Variants in SERPINI2 observed in about 807,000 individuals in gnomAD.
The protein encoded by SERPINI2 is serpin family I member 2, also known as serpin I2.
Under a neutral mutation model 47.3 loss-of-function variants are expected in SERPINI2, and 48 were observed. That is an observed-to-expected ratio of 1.02 (90% CI 0.81 to 1.29). The LOEUF is 1.29. Among genes scored for constraint, SERPINI2 ranks in the 50% most tolerant of loss-of-function variants. The probability of loss-of-function intolerance (pLI) is 0.00; values close to 1 mark genes in which losing one functional copy is unlikely to be tolerated. For synonymous variants in SERPINI2, 135 were observed against 149.3 expected (o/e 0.90, Z 0.70); for missense variants, 448 against 456.9 (o/e 0.98, Z 0.18).
chr3:167,471,448 C>T (rs906053763), intron 2 of SERPINI2, 140 bp downstream of exon 2: 8 of 770,106 alleles, frequency 1.0e-5, no homozygotes, highest in African/African-American at 7.1e-5. Context: ...ATTACATTTA[C>T]AATTCTCCAT....
At position 167,474,084 on chromosome 3, in the gene SERPINI2, G is replaced by A. The variant is rs1413402006; in HGVS notation, c.-92C>T. ...AAAACTCTTGTACATAAACACCTGAGCGATCAAGGCCAACTCCATTTATCT... is the reference window on the plus strand; with the variant it reads ...AAAACTCTTGTACATAAACACCTGAACGATCAAGGCCAACTCCATTTATCT... On this transcript the variant is annotated 5_prime_UTR_variant, in exon 1 of 9. Coordinates refer to ENST00000264677, the Ensembl canonical transcript of SERPINI2. 3 of 1,018,982 alleles carry A rather than the reference G, an allele frequency of 2.9e-6. No homozygotes were observed. The Admixed American group carries it at 1.7e-4, about 58-fold the overall frequency. The allele number at this position is 1,018,982 out of a possible 1,614,324, so 63.1% of individuals were successfully genotyped here.
intron 6 of SERPINI2, among the ~76,000 whole-genome samples, chr3:167,451,121 T>G (rs1749628820): frequency 6.6e-6 from 1 of 152,210 alleles, no homozygotes; most frequent in African/African-American, 2.4e-5. Context: ...TGTTTTATAT[T>G]TAACTATGTG....
At chr3:167,456,418 A>T (rs762466987) in intron 5 of SERPINI2, among the ~76,000 whole-genome samples, 8 of 152,072 alleles carry the variant, frequency 5.3e-5, no homozygotes, top group Non-Finnish European at 1.0e-4. Context: ...CACAATTTAC[A>T]TTCACCCACT....
intron 5 of SERPINI2, among the ~76,000 whole-genome samples, chr3:167,455,302 AC>A (rs1319355638): frequency 3.3e-5 from 5 of 152,350 alleles, no homozygotes; most frequent in Admixed American, 1.3e-4. Flanking sequence ...CCCAAATGTA[AC>A]CATTGTGCTG....
intron 2 of SERPINI2, among the ~76,000 whole-genome samples, chr3:167,470,617 A>G (rs1750286060): frequency 1.5e-5 from 2 of 131,854 alleles, no homozygotes; most frequent in African/African-American, 6.2e-5. Context: ...GCTGGAGTGC[A>G]GTGGCACGAT....
At chr3:167,451,924 G>A (rs1034880391) in intron 6 of SERPINI2, among the ~76,000 whole-genome samples, 22 of 152,234 alleles carry the variant, frequency 1.4e-4, no homozygotes, top group East Asian at 1.2e-3. Context: ...TACCTAGTGC[G>A]GACAAAATTG....
At chr3:167,451,581 G>A (rs1485317978) in intron 6 of SERPINI2, among the ~76,000 whole-genome samples, 1 of 152,168 alleles carries the variant, frequency 6.6e-6, no homozygotes, top group Non-Finnish European at 1.5e-5. Context: ...AACTCAAGAG[G>A]GAAAGAACAG....
At chr3:167,455,505 A>G (rs891173442) in intron 5 of SERPINI2, among the ~76,000 whole-genome samples, 1 of 151,656 alleles carries the variant, frequency 6.6e-6, no homozygotes, top group African/African-American at 2.4e-5. Context: ...TTGTGTTATC[A>G]TCTGAAATCC....
At chr3:167,459,168 G>A (rs1263707614) in intron 5 of SERPINI2, among the ~76,000 whole-genome samples, 8 of 149,050 alleles carry the variant, frequency 5.4e-5, no homozygotes, top group East Asian at 2.0e-4. Context: ...TCCGCCTCCC[G>A]GGTTCACGCC....
chr3:167,442,755 CTG>C (rs1232628432), intron 8 of SERPINI2, among the ~76,000 whole-genome samples: 1 of 152,096 alleles, frequency 6.6e-6, no homozygotes, highest in African/African-American at 2.4e-5. Context: ...TTCAACCATT[CTG>C]TGTTTGCAAG....
Position 167,466,804 on chromosome 3 carries a change from C to A in SERPINI2, c.478+251G>T, listed in dbSNP as rs73878708. The stretch of plus-strand genomic sequence containing the variant: ...ACAAAAATTATTATTAAAATTATTT[C>A]ATTAAAAATTCTATAAGCAGGTATC... On this transcript the variant is annotated intron_variant, in intron 3 of 8. Coordinates refer to ENST00000264677, the Ensembl canonical transcript of SERPINI2. 4.6e-3 allele frequency among the ~76,000 whole-genome samples: 701 copies of A among 152,042 alleles called. 6 individuals carry two copies. The highest frequency in any genetic ancestry group is 0.024 in the Middle Eastern group (7 of 294).
intron 5 of SERPINI2, among the ~76,000 whole-genome samples, chr3:167,455,587 GA>G: frequency 9.0e-6 from 1 of 111,444 alleles, no homozygotes; most frequent in Non-Finnish European, 1.8e-5. Flanking sequence ...AAAGAAATAC[GA>G]GTCTCAAAAA....
chr3:167,445,557 C>A (rs1036824172), intron 8 of SERPINI2, among the ~76,000 whole-genome samples: 1 of 152,146 alleles, frequency 6.6e-6, no homozygotes, highest in African/African-American at 2.4e-5. Flanking sequence ...CAATTTCACA[C>A]CCTCTGTCTA....
chr3:167,457,394 T>C (rs954508084), intron 5 of SERPINI2, among the ~76,000 whole-genome samples: 21 of 152,228 alleles, frequency 1.4e-4, no homozygotes, highest in Admixed American at 7.2e-4. Flanking sequence ...TCTTGTTTTC[T>C]AGTAAGTTGA....
At chr3:167,465,034 G>A (rs1173593894) in intron 5 of SERPINI2, among the ~76,000 whole-genome samples, 172 bp downstream of exon 5, 1 of 152,166 alleles carries the variant, frequency 6.6e-6, no homozygotes. Flanking sequence ...AGCAATGCTA[G>A]CACAGGTAAG....
At chr3:167,470,025 T>G (rs1341597504) in intron 2 of SERPINI2, among the ~76,000 whole-genome samples, 1 of 152,108 alleles carries the variant, frequency 6.6e-6, no homozygotes, top group Non-Finnish European at 1.5e-5. Flanking sequence ...CTTTATCATG[T>G]TCACAATTCA....
intron 2 of SERPINI2, among the ~76,000 whole-genome samples, chr3:167,470,879 T>G (rs1264604831): frequency 6.6e-6 from 1 of 151,928 alleles, no homozygotes; most frequent in Non-Finnish European, 1.5e-5. Context: ...AAGCACAGTA[T>G]CCCAGTAAGA....
intron 5 of SERPINI2, among the ~76,000 whole-genome samples, chr3:167,455,602 A>AAAAAG (rs1553855172): frequency 1.0e-3 from 154 of 150,954 alleles, no homozygotes; most frequent in Admixed American, 3.0e-3. Context: ...TCAAAAAAAA[A>AAAAAG]AAAAGAAAAG....
At chr3:167,447,545 AC>A (rs1224758371) in intron 7 of SERPINI2, among the ~76,000 whole-genome samples, 5 of 152,188 alleles carry the variant, frequency 3.3e-5, no homozygotes, top group African/African-American at 9.7e-5. Context: ...AAAATTTTAG[AC>A]TTAAAATGAG....
Sources: allele counts gnomAD v4.1 joint callset (sites outside exome capture counted in the v4.1 genomes callset), GRCh38; gene constraint gnomAD v4.1.1; transcripts MANE v1.5; gene names NCBI Gene and HGNC (gene_info 2026-07-23, HGNC 2026-07-21).